The following FRK variants were observed in gnomAD, a reference collection of about 807,000 sequenced individuals.
FRK encodes the protein tyrosine-protein kinase FRK.
In FRK, 51 loss-of-function variants were observed where a neutral mutation model predicts 56.4. That is an observed-to-expected ratio of 0.90 (90% CI 0.72 to 1.14). The LOEUF (loss-of-function observed/expected upper bound fraction) is 1.14. Among genes scored for constraint, FRK ranks in the 50% most tolerant of loss-of-function variants. The pLI, the probability that FRK is intolerant of heterozygous loss-of-function variation, is 0.00. For synonymous variants in FRK, 245 were observed against 217.9 expected (o/e 1.12, Z -1.10); for missense variants, 570 against 601.4 (o/e 0.95, Z 0.55).
intron 1 of FRK, among the ~76,000 whole-genome samples, chr6:116,057,897 T>A (rs1018704210): frequency 2.6e-5 from 4 of 152,218 alleles, no homozygotes; most frequent in Non-Finnish European, 5.9e-5. Context: ...ACCTTCGGAT[T>A]GCTTGACTTG....
At chr6:116,082,193 AG>A in the FRK span, among the ~76,000 whole-genome samples, 1 of 152,232 alleles carries the variant, frequency 6.6e-6, no homozygotes, top group Non-Finnish European at 1.5e-5. Context: ...TGATTGTAGC[AG>A]AGTGAGAGAA....
intron 1 of FRK, among the ~76,000 whole-genome samples, chr6:116,057,362 GT>G (rs1777440798): frequency 6.6e-6 from 1 of 152,218 alleles, no homozygotes; most frequent in Non-Finnish European, 1.5e-5. Flanking sequence ...TTCTTCAAGT[GT>G]TAAAGTACTG....
chr6:116,086,555 C>T, the FRK span, among the ~76,000 whole-genome samples: 1 of 152,126 alleles, frequency 6.6e-6, no homozygotes, highest in East Asian at 1.9e-4. Context: ...AAAGTAGTAG[C>T]TCATGCACTG....
Position 115,941,366 on chromosome 6 carries a change from A to C in FRK, c.*1048T>G, listed in dbSNP as rs1007816194. ...CAGGGGATGGAGGGCTAGGGGAGGA[A>C]CAGCACTAGGAGAAATGCCTAATGT... is the stretch of plus-strand genomic sequence containing the variant. On this transcript the variant is annotated 3_prime_UTR_variant, in exon 8 of 8. Coordinates refer to ENST00000606080, the MANE Select transcript of FRK (RefSeq NM_002031.3). 1.3e-5 allele frequency: 2 copies of C among 152,170 alleles called. No individual in the cohort carries two copies. The highest frequency in any genetic ancestry group is 6.5e-5 in the Admixed American group (1 of 15,268). 9.4% of individuals were successfully genotyped at this position (152,170 alleles called of 1,614,324 possible).
intron 5 of FRK, among the ~76,000 whole-genome samples, chr6:115,954,667 C>T (rs909366617): frequency 6.6e-6 from 1 of 152,132 alleles, no homozygotes; most frequent in African/African-American, 2.4e-5. Context: ...GTCTAATAGA[C>T]ATTTCTACTA....
intron 4 of FRK, among the ~76,000 whole-genome samples, chr6:115,967,313 T>C (rs1035086148): frequency 3.9e-5 from 6 of 152,170 alleles, no homozygotes; most frequent in African/African-American, 1.4e-4. Flanking sequence ...AGAGAAGAGA[T>C]GAGTTGTCAG....
chr6:115,977,924 T>G (rs1235613077), intron 2 of FRK, among the ~76,000 whole-genome samples: 1 of 152,210 alleles, frequency 6.6e-6, no homozygotes, highest in Non-Finnish European at 1.5e-5. Context: ...TGAGTATCTT[T>G]TTAATTAACA....
chr6:116,007,867 A>G (rs953115679), intron 1 of FRK, among the ~76,000 whole-genome samples: 3 of 152,190 alleles, frequency 2.0e-5, no homozygotes, highest in African/African-American at 7.2e-5. Flanking sequence ...AGCATTTGAA[A>G]GTTGGGGCAC....
At chr6:116,070,459 G>C in the FRK span, among the ~76,000 whole-genome samples, 1 of 152,104 alleles carries the variant, frequency 6.6e-6, no homozygotes, top group Non-Finnish European at 1.5e-5. Context: ...GGTTTATCTT[G>C]TGCTAACAAC....
chr6:115,985,216 C>T (rs777638513), intron 2 of FRK, among the ~76,000 whole-genome samples: 8 of 152,074 alleles, frequency 5.3e-5, no homozygotes, highest in Non-Finnish European at 8.8e-5. Context: ...GGTGAGCGTT[C>T]CATGCATAGT....
intron 1 of FRK, among the ~76,000 whole-genome samples, chr6:116,021,289 T>A (rs1301113282): frequency 6.6e-6 from 1 of 151,968 alleles, no homozygotes; most frequent in African/African-American, 2.4e-5. Context: ...AATATAAGCT[T>A]CCTAAGCACG....
intron 1 of FRK, among the ~76,000 whole-genome samples, chr6:116,053,676 G>A (rs1777265853): frequency 6.6e-6 from 1 of 152,074 alleles, no homozygotes; most frequent in African/African-American, 2.4e-5. Context: ...AGTAGTTAAT[G>A]ATTTATTTCA....
At chr6:115,969,112 A>G (rs887052237) in intron 2 of FRK, among the ~76,000 whole-genome samples, 1 of 152,172 alleles carries the variant, frequency 6.6e-6, no homozygotes, top group African/African-American at 2.4e-5. Flanking sequence ...TAAAATCATG[A>G]AAGGTTTTTA....
chr6:116,096,131 T>C, the FRK span, among the ~76,000 whole-genome samples: 2 of 152,208 alleles, frequency 1.3e-5, no homozygotes, highest in African/African-American at 4.8e-5. Context: ...TGAGCTCAAC[T>C]AACAACTTCT....
intron 1 of FRK, among the ~76,000 whole-genome samples, chr6:116,024,314 T>C (rs1775993779): frequency 6.6e-6 from 1 of 152,074 alleles, no homozygotes; most frequent in Non-Finnish European, 1.5e-5. Flanking sequence ...GTGCACAATG[T>C]GCAGGTTAGT....
intron 4 of FRK, 110 bp from the exon 5 acceptor site, chr6:115,956,720 G>A (rs1773008772): frequency 2.5e-6 from 2 of 797,554 alleles, no homozygotes; most frequent in Admixed American, 3.0e-5. Context: ...TAGAGTAAGA[G>A]CCTCAGTATC....
At chr6:115,952,187 A>G (rs1477054883) in intron 5 of FRK, among the ~76,000 whole-genome samples, 1 of 152,080 alleles carries the variant, frequency 6.6e-6, no homozygotes, top group Non-Finnish European at 1.5e-5. Context: ...CTTTAGTTTA[A>G]TTAGATCCCA....
intron 1 of FRK, among the ~76,000 whole-genome samples, chr6:116,015,470 T>C (rs1223702603): frequency 6.6e-6 from 1 of 152,106 alleles, no homozygotes; most frequent in Non-Finnish European, 1.5e-5. Context: ...ATACAGAAAA[T>C]TGATAGCAGT....
the FRK span, among the ~76,000 whole-genome samples, chr6:116,087,458 T>C: frequency 6.6e-6 from 1 of 152,268 alleles, no homozygotes; most frequent in Non-Finnish European, 1.5e-5. Context: ...CCCACCTAAC[T>C]GGACCAGCTT....
Sources: gnomAD v4.1 joint callset for allele counts (sites outside exome capture counted in the v4.1 genomes callset) on GRCh38, gnomAD v4.1.1 for gene constraint, MANE v1.5 for transcripts, NCBI Gene and HGNC (gene_info 2026-07-23, HGNC 2026-07-21) for gene names.